KLHL17: variants seen among roughly 807,000 people sequenced by gnomAD.
The protein encoded by KLHL17 is kelch-like protein 17.
KLHL17 carries 71 observed loss-of-function variants against 64.6 expected under a neutral mutation model. The ratio of observed to expected loss-of-function variants is 1.10; its 90% CI spans 0.91 to 1.34. The LOEUF is 1.34. Among genes scored for constraint, KLHL17 ranks in the 40% most tolerant of loss-of-function variants. The pLI, the probability that KLHL17 is intolerant of heterozygous loss-of-function variation, is 0.00. For missense variants in KLHL17, 1,140 were observed against 935.0 expected (o/e 1.22, Z -2.86); for synonymous variants, 612 against 405.4 (o/e 1.51, Z -6.12).
In KLHL17 at chr1:963,508, G is replaced by C; in HGVS notation, c.1355+4G>C. ...ACGGGGCCTCCTGCCTGAACAGGTA[G>C]TTGGGGTTGGGGCCCCAGTGGCTTT... On this transcript the variant is annotated splice_donor_region_variant and intron_variant, in intron 8 of 11. Transcript: ENST00000338591. The C allele has an allele frequency of 6.2e-7, 1 of 1,602,352 alleles. No individual in the cohort carries two copies. Among genetic ancestry groups the C allele is most frequent in the Non-Finnish European group, 8.5e-7 (1 of 1,173,628 alleles).
rs34570241 is a variant in KLHL17, at chr1:962,630, T to TG, written c.829-68dup. On this transcript the variant is annotated intron_variant, in intron 5 of 11. Transcript: ENST00000338591. The stretch of plus-strand genomic sequence containing the variant: ...CCATCACACAGGTGGTACGGGCATC[T>TG]GGGGGGTTGTCTCAGCCCTGACGCC... The TG allele has an allele frequency of 2.0e-6, 3 of 1,527,952 alleles. No individual in the cohort carries two copies. The African/African-American group carries it at 4.1e-5, about 21-fold the overall frequency. 94.6% of individuals were successfully genotyped at this position (1,527,952 alleles called of 1,614,324 possible). A position where few individuals can be genotyped will look rare whatever the true frequency, so the allele number is the denominator to read the frequency against.
At position 965,644 on chromosome 1, in the gene KLHL17, G is replaced by C. The variant is rs561674613; in HGVS notation, c.*453G>C. On this transcript the variant is annotated 3_prime_UTR_variant, in exon 12 of 12. Transcript: ENST00000338591. Reference sequence around the variant, plus strand: ...TGCCATCTTTCCTGGATCTTGTAGTGGGTGCACACGCGTGCACTGGGACCC... The same window carrying C: ...TGCCATCTTTCCTGGATCTTGTAGTCGGTGCACACGCGTGCACTGGGACCC... 2.2e-5 allele frequency: 4 copies of C among 184,520 alleles called. No individual in the cohort carries two copies. Among genetic ancestry groups the C allele is most frequent in the Non-Finnish European group, 4.5e-5 (4 of 88,580 alleles). The allele number at this position is 184,520 out of a possible 1,614,324, so 11.4% of individuals were successfully genotyped here. A position where few individuals can be genotyped will look rare whatever the true frequency, so the allele number is the denominator to read the frequency against.
chr1:963,253 GGT>G lies in KLHL17; in HGVS notation c.1187+1_1187+2del, dbSNP rs1484927994. On this transcript the variant is annotated splice_donor_variant, in intron 7 of 11. Coordinates refer to ENST00000338591, the MANE Select transcript of KLHL17 (RefSeq NM_198317.3). LOFTEE classifies it high-confidence loss of function. ...GGGAACCGGCTCTATGCTGTGGGCG[GGT>G]AAGCCTGGAGGCTGGACTTGGGTCG... The G allele has an allele frequency of 6.2e-7, 1 of 1,601,324 alleles. No individual in the cohort carries two copies. The highest frequency in any genetic ancestry group is 2.2e-5 in the East Asian group (1 of 44,526).
Position 963,451 on chromosome 1 carries a change from G to GCAT in KLHL17, c.1303_1305dup (p.His435dup). On this transcript the variant is annotated inframe_insertion, in exon 8 of 12. Transcript: ENST00000338591. ...GAAGCTGCCTGGGTGTGGCCGCCTT[G>GCAT]CATGGACTCCTGTACTCGGCCGGCG... 1 of 1,612,564 alleles carries GCAT rather than the reference G, an allele frequency of 6.2e-7. No individual in the cohort carries two copies. The highest frequency in any genetic ancestry group is 1.1e-5 in the South Asian group (1 of 91,076).
rs549576073 is a variant in KLHL17 at position 962,619 on chromosome 1, G to A, written c.829-85G>A. 259 of 1,523,538 alleles carry A rather than the reference G, an allele frequency of 1.7e-4. No individual in the cohort carries two copies. The African/African-American group carries it at 3.2e-3, about 19-fold the overall frequency. 94.4% of individuals were successfully genotyped at this position (1,523,538 alleles called of 1,614,324 possible). ...TGAAGAAGAATCCATCACACAGGTG[G>A]TACGGGCATCTGGGGGGTTGTCTCA... On this transcript the variant is annotated intron_variant, in intron 5 of 11. Coordinates refer to ENST00000338591, the MANE Select transcript of KLHL17 (RefSeq NM_198317.3).
In KLHL17 at chr1:960,654, C is replaced by T; in HGVS notation, c.-40C>T. The T allele has an allele frequency of 7.5e-7, 1 of 1,337,284 alleles. No homozygotes were observed. The highest frequency in any genetic ancestry group is 9.6e-7 in the Non-Finnish European group (1 of 1,038,054). The allele number at this position is 1,337,284 out of a possible 1,614,324, so 82.8% of individuals were successfully genotyped here. On this transcript the variant is annotated 5_prime_UTR_variant, in exon 1 of 12. Coordinates refer to ENST00000338591, the MANE Select transcript of KLHL17 (RefSeq NM_198317.3). ...CGGCAGTCTCCGCGTCCGTTAAGCC[C>T]GCGGGTCCTCCGCGAATCGGCGGTG...
rs1642885359 is a variant in KLHL17, at chr1:965,085, C to T, written c.1823C>T (p.Ser608Phe). ...NPRTNKWVAA[S>F]CMFTRRSSVG... ...AGGACCAACAAGTGGGTGGCCGCAT[C>T]CTGCATGTTCACCCGGCGCAGCAGT... Residue 608 changes from serine to phenylalanine, a missense_variant, in exon 12 of 12, where the codon TCC becomes TTC. Transcript: ENST00000338591. The T allele has an allele frequency of 6.2e-7, 1 of 1,612,530 alleles. No homozygotes were observed. Among genetic ancestry groups the T allele is most frequent in the Non-Finnish European group, 8.5e-7 (1 of 1,179,796 alleles).
In KLHL17 at chr1:963,137, A is replaced by T. The variant is rs746952280; in HGVS notation, c.1071A>T (p.Gly357=). 57 of 1,611,922 alleles carry T rather than the reference A, an allele frequency of 3.5e-5. No homozygotes were observed. The highest frequency in any genetic ancestry group is 4.7e-5 in the Non-Finnish European group (55 of 1,179,578). ...VGGGSLFAIH[G]DCEAYDTRTD... ...GCGGGAGCCTGTTTGCCATCCACGG[A>T]GACTGTGAGGCCTACGACACGCGCA... Residue 357 remains glycine, a synonymous_variant, in exon 7 of 12, where the codon GGA becomes GGT. Coordinates refer to ENST00000338591, the MANE Select transcript of KLHL17 (RefSeq NM_198317.3).
Position 960,642 on chromosome 1 carries a change from GTCCGTTAAGCCCGCGGGTCC to G in KLHL17, c.-47_-28del, listed in dbSNP as rs1642594128. 18 of 1,305,144 alleles carry G rather than the reference GTCCGTTAAGCCCGCGGGTCC, an allele frequency of 1.4e-5. No individual in the cohort carries two copies. The East Asian group carries it at 6.4e-4, about 46-fold the overall frequency. The allele number at this position is 1,305,144 out of a possible 1,614,324, so 80.8% of individuals were successfully genotyped here. On this transcript the variant is annotated 5_prime_UTR_variant, in exon 1 of 12. Transcript: ENST00000338591. ...CGAGCAGCCCTCCGGCAGTCTCCGC[GTCCGTTAAGCCCGCGGGTCC>G]TCCGCGAATCGGCGGTGGGTCCGGC...
In KLHL17 at chr1:964,513, G is replaced by A. The variant is rs916749054; in HGVS notation, c.1683G>A (p.Ala561=). ...AGGCTGGAGCCTGGGAAAGCGTGGC[G>A]CCCATGAATATCCGCAGGTCCGCAG... The part of the protein sequence containing the change: ...SPKAGAWESV[A]PMNIRRSTHD... Residue 561 remains alanine, a synonymous_variant, in exon 11 of 12, where the codon GCG becomes GCA. Transcript: ENST00000338591. 8.6e-6 allele frequency: 13 copies of A among 1,520,218 alleles called. No individual in the cohort carries two copies. The highest frequency in any genetic ancestry group is 2.5e-5 in the East Asian group (1 of 40,472). 94.2% of individuals were successfully genotyped at this position (1,520,218 alleles called of 1,614,324 possible).
At position 965,225 on chromosome 1, in the gene KLHL17, A is replaced by G. The variant is rs757330341; in HGVS notation, c.*34A>G. 3.3e-5 allele frequency: 52 copies of G among 1,586,654 alleles called. No homozygotes were observed. Among genetic ancestry groups the G allele is most frequent in the Middle Eastern group, 3.3e-4 (2 of 5,992 alleles). On this transcript the variant is annotated 3_prime_UTR_variant, in exon 12 of 12. Coordinates refer to ENST00000338591, the MANE Select transcript of KLHL17 (RefSeq NM_198317.3). The stretch of plus-strand genomic sequence containing the variant: ...CCACCAGAGGCCTGCAGCCTCCCAC[A>G]TGCCTTAAGGGGACCGTGGCCCCCA...
In KLHL17 at chr1:963,246, G is replaced by A; in HGVS notation, c.1180G>A (p.Val394Met). The change falls in exon 7 of 12, where the codon GTG becomes ATG. Residue 394 changes from valine (V) to methionine (M), a missense_variant. By Grantham distance (21) the Val-to-Met change is conservative. Coordinates refer to ENST00000338591, the MANE Select transcript of KLHL17 (RefSeq NM_198317.3). Reference sequence around the variant, plus strand: ...TGCGGTGGGGAACCGGCTCTATGCTGTGGGCGGGTAAGCCTGGAGGCTGGA... The same window carrying A: ...TGCGGTGGGGAACCGGCTCTATGCTATGGGCGGGTAAGCCTGGAGGCTGGA... ...VAAVGNRLYA[V>M]GGYDGTSDLA... The A allele has an allele frequency of 6.2e-7, 1 of 1,603,192 alleles. No homozygotes were observed. The highest frequency in any genetic ancestry group is 8.5e-7 in the Non-Finnish European group (1 of 1,172,342).
At chr1:963,755 AGCCAGGGTCCTGTG>A in intron 8 of KLHL17, 151 bp from the exon 9 acceptor site, 1 of 898,892 alleles carries the variant, frequency 1.1e-6, no homozygotes, top group Non-Finnish European at 1.7e-6. Context: ...TTGTTCAGGC[AGCCAGGGTCCTGTG>A]CCCACCAGCG....
rs547616118 is a variant in KLHL17, at chr1:961,542, C to T, written c.357C>T (p.Ala119=). The T allele has an allele frequency of 2.1e-5, 34 of 1,612,660 alleles. No individual in the cohort carries two copies. In the South Asian group the frequency reaches 3.3e-4, roughly 16 times the overall value. Residue 119 remains alanine, a synonymous_variant, in exon 2 of 12, where the codon GCC becomes GCT. Coordinates refer to ENST00000338591, the MANE Select transcript of KLHL17 (RefSeq NM_198317.3). ...VLASCSPYFH[A]MFTNEMSESR... Reference sequence around the variant, plus strand: ...CCTCCTGCAGCCCCTACTTCCACGCCATGTTCACAAGCAAGTACCCGCCTG... The same window carrying T: ...CCTCCTGCAGCCCCTACTTCCACGCTATGTTCACAAGCAAGTACCCGCCTG...
In KLHL17 at chr1:961,723, G is replaced by A. The variant is rs1157795455; in HGVS notation, c.462G>A (p.Glu154=). ...TGGTGCAGTTTGCCTACACGGCTGAGATTGTGGTGGGCGAGGGCAATGTGC... is the reference window on the plus strand; with the variant it reads ...TGGTGCAGTTTGCCTACACGGCTGAAATTGTGGTGGGCGAGGGCAATGTGC... The part of the protein sequence containing the change: ...DQLVQFAYTA[E]IVVGEGNVQT... The change falls in exon 3 of 12, where the codon GAG becomes GAA. Residue 154 remains glutamate (E), a synonymous_variant. Transcript: ENST00000338591. The A allele has an allele frequency of 3.7e-6, 6 of 1,612,244 alleles. No individual in the cohort carries two copies. The Admixed American group carries it at 6.7e-5, about 18-fold the overall frequency.
chr1:964,335 G>A lies in KLHL17; in HGVS notation c.1519-14G>A, dbSNP rs768920601. The A allele has an allele frequency of 2.2e-5, 34 of 1,548,704 alleles. 1 individual carries two copies. In the Admixed American group the frequency reaches 3.3e-4, roughly 15 times the overall value. On this transcript the variant is annotated splice_polypyrimidine_tract_variant and intron_variant, in intron 10 of 11. Coordinates refer to ENST00000338591, the MANE Select transcript of KLHL17 (RefSeq NM_198317.3). ...AGTGGCGGGTCTGCGTCCAGCCCACGCCCTCGCCCCCAGGTGAACGTGTGG... is the reference window on the plus strand; with the variant it reads ...AGTGGCGGGTCTGCGTCCAGCCCACACCCTCGCCCCCAGGTGAACGTGTGG...
intron 5 of KLHL17, 103 bp downstream of exon 5, chr1:962,574 G>A: frequency 6.5e-7 from 1 of 1,535,798 alleles, no homozygotes; most frequent in Non-Finnish European, 8.7e-7. Context: ...GACTCCGTGG[G>A]GGTGGTGCCC....
rs1384348764 is a variant in KLHL17, at chr1:961,499, C to T, written c.314C>T (p.Ala105Val). The T allele has an allele frequency of 2.5e-6, 4 of 1,612,568 alleles. No homozygotes were observed. The highest frequency in any genetic ancestry group is 3.4e-6 in the Non-Finnish European group (4 of 1,179,940). The change falls in exon 2 of 12, where the codon GCG (alanine) becomes GTG (valine). Residue 105 changes from alanine (A) to valine (V), a missense_variant. Ala to Val is a moderately conservative substitution (Grantham distance 64, BLOSUM62 0). Transcript: ENST00000338591. ...CACGTGGCTGCCAAGGAGATCCGTG[C>T]GCACAAAGTGGTGCTGGCCTCCTGC... ...VLHVAAKEIR[A>V]HKVVLASCSP...
In KLHL17 at chr1:965,303, C is replaced by G. The variant is rs1018488520; in HGVS notation, c.*112C>G. On this transcript the variant is annotated 3_prime_UTR_variant, in exon 12 of 12. Transcript: ENST00000338591. ...CGTCTCTGCATCCATTCCTTCATGT[C>G]TTTATTTAGTTGTTTATTTATTTAG... 8 of 812,796 alleles carry G rather than the reference C, an allele frequency of 9.8e-6. No individual in the cohort carries two copies. The highest frequency in any genetic ancestry group is 2.9e-5 in the Admixed American group (1 of 34,826). 50.3% of individuals were successfully genotyped at this position (812,796 alleles called of 1,614,324 possible). A position where few individuals can be genotyped will look rare whatever the true frequency, so the allele number is the denominator to read the frequency against.
Sources: gnomAD v4.1 joint callset for allele counts on GRCh38, gnomAD v4.1.1 for gene constraint, MANE v1.5 for transcripts, NCBI Gene and HGNC (gene_info 2026-07-23, HGNC 2026-07-21) for gene names.